The following LRIT1 variants were observed in gnomAD, a reference collection of about 807,000 sequenced individuals.
LRIT1 encodes the protein leucine rich repeat, Ig-like and transmembrane domains 1, also known as leucine-rich repeat, immunoglobulin-like domain and transmembrane domain-containing protein 1.
Under a neutral mutation model 24.0 loss-of-function variants are expected in LRIT1, and 23 were observed. The observed-to-expected ratio is 0.96, with a 90% CI of 0.69 to 1.36. The LOEUF (loss-of-function observed/expected upper bound fraction) is 1.36. Among genes scored for constraint, LRIT1 ranks in the 40% most tolerant of loss-of-function variants. The pLI is 0.00. For synonymous variants in LRIT1, 361 were observed against 340.5 expected (o/e 1.06, Z -0.66); for missense variants, 846 against 806.3 (o/e 1.05, Z -0.60).
Position 84,232,638 on chromosome 10 carries a change from G to A in LRIT1, c.1161C>T (p.Pro387=). The change falls in exon 4 of 4, where the codon CCC becomes CCT. Residue 387 remains proline, a synonymous_variant. Coordinates refer to ENST00000372105, the MANE Select transcript of LRIT1 (RefSeq NM_015613.3). ...GTCCAGTGGCCAGGACAGCGGGTTT[G>A]GGAATCTGGGGGACATGCCTGGCCA... The part of the protein sequence containing the change: ...KLVARHVPQI[P]KPAVLATGPS... The A allele has an allele frequency of 6.2e-7, 1 of 1,613,604 alleles. No homozygotes were observed. The highest frequency in any genetic ancestry group is 8.5e-7 in the Non-Finnish European group (1 of 1,179,588).
At chr10:84,235,213 C>A (rs138841246) in intron 2 of LRIT1, among the ~76,000 whole-genome samples, 1 of 152,118 alleles carries the variant, frequency 6.6e-6, no homozygotes, top group African/African-American at 2.4e-5. Context: ...ATATTTAATA[C>A]GTGCATCACA....
Position 84,232,113 on chromosome 10 carries a change from C to T in LRIT1, c.1686G>A (p.Lys562=). 2.5e-6 allele frequency: 4 copies of T among 1,614,130 alleles called. No homozygotes were observed. The highest frequency in any genetic ancestry group is 1.1e-5 in the South Asian group (1 of 91,076). Reference sequence around the variant, plus strand: ...AGGTAACTGTGGCCTCAGTGGAGTCCTTGTTGAAGCACTTTCGGCAGCGCT... The same window carrying T: ...AGGTAACTGTGGCCTCAGTGGAGTCTTTGTTGAAGCACTTTCGGCAGCGCT... The part of the protein sequence containing the change: ...LQKRCRKCFN[K]DSTEATVTYV... Residue 562 remains lysine (K), a synonymous_variant, in exon 4 of 4, where the codon AAG becomes AAA. Transcript: ENST00000372105.
rs187669365 is a variant in LRIT1, at chr10:84,233,866, C to G, written c.895+207G>C. ...GAGTGTCTGGTGGGATATGATAGGA[C>G]AGGTCAAGAGCCACTGTCATTGTTG... On this transcript the variant is annotated intron_variant, in intron 3 of 3. Coordinates refer to ENST00000372105, the MANE Select transcript of LRIT1 (RefSeq NM_015613.3). Among the ~76,000 whole-genome samples, 232 of 152,312 alleles carry G rather than the reference C, an allele frequency of 1.5e-3. 1 individual carries two copies. The highest frequency in any genetic ancestry group is 5.3e-3 in the African/African-American group (222 of 41,566).
At chr10:84,238,912 C>T (rs1021498708) in intron 1 of LRIT1, among the ~76,000 whole-genome samples, 21 of 152,218 alleles carry the variant, frequency 1.4e-4, no homozygotes, top group Admixed American at 1.2e-3. Context: ...TTTTATACTA[C>T]GTAAACTGAA....
intron 1 of LRIT1, among the ~76,000 whole-genome samples, chr10:84,239,181 G>A (rs141925090): frequency 1.3e-3 from 200 of 152,350 alleles, no homozygotes; most frequent in Non-Finnish European, 6.0e-4. Flanking sequence ...CTTACTAAGT[G>A]ATGAGCAATT....
chr10:84,239,214 C>G (rs1164326666), intron 1 of LRIT1, among the ~76,000 whole-genome samples: 1 of 152,228 alleles, frequency 6.6e-6, no homozygotes, highest in Non-Finnish European at 1.5e-5. Flanking sequence ...AGCCTCATAG[C>G]CCCTGTCTCC....
Position 84,234,264 on chromosome 10 carries a change from G to T in LRIT1, c.704C>A (p.Pro235Gln), listed in dbSNP as rs766067856. 1 of 1,613,826 alleles carries T rather than the reference G, an allele frequency of 6.2e-7. No homozygotes were observed. The highest frequency in any genetic ancestry group is 8.5e-7 in the Non-Finnish European group (1 of 1,179,888). The part of the protein sequence containing the change: ...FIETELRCAS[P>Q]RSLAGVAFSQ... The stretch of plus-strand genomic sequence containing the variant: ...GAAGGCCACTCCGGCCAGGCTACGT[G>T]GGCTGGCACATCTCAGTTCAGTCTC... The change falls in exon 3 of 4, where the codon CCA becomes CAA. Residue 235 changes from proline (P) to glutamine (Q), a missense_variant. Physicochemically the swap from Pro to Gln is moderately conservative, Grantham distance 76. Coordinates refer to ENST00000372105, the MANE Select transcript of LRIT1 (RefSeq NM_015613.3).
intron 3 of LRIT1, 64 bp from the exon 4 acceptor site, chr10:84,232,967 G>C (rs1842616732): frequency 1.3e-6 from 2 of 1,543,906 alleles, no homozygotes; most frequent in Non-Finnish European, 1.7e-6. Flanking sequence ...CTGCCTTTCA[G>C]GGCCAAGTTC....
At position 84,237,576 on chromosome 10, in the gene LRIT1, G is replaced by C. The variant is rs1842661845; in HGVS notation, c.233C>G (p.Ala78Gly). The C allele has an allele frequency of 6.2e-7, 1 of 1,606,400 alleles. No homozygotes were observed. The highest frequency in any genetic ancestry group is 1.3e-5 in the African/African-American group (1 of 74,928). Residue 78 changes from alanine to glycine, a missense_variant, in exon 2 of 4, where the codon GCC becomes GGC. Physicochemically the swap from Ala to Gly is moderately conservative, Grantham distance 60. Transcript: ENST00000372105. The stretch of plus-strand genomic sequence containing the variant: ...CTCCAGGCGGCCCAGGGGCCTGAAG[G>C]CCTCGCCAGGAACCCTGCGTATGGC... ...RTAIRRVPGEAFRPLGRLEQL... is the reference protein window; with the variant it reads ...RTAIRRVPGEGFRPLGRLEQL...
chr10:84,241,322 C>T lies in LRIT1; in HGVS notation c.118G>A (p.Ala40Thr). 1 of 1,613,878 alleles carries T rather than the reference C, an allele frequency of 6.2e-7. No individual in the cohort carries two copies. Among genetic ancestry groups the T allele is most frequent in the Non-Finnish European group, 8.5e-7 (1 of 1,179,918 alleles). Residue 40 changes from alanine (A) to threonine (T), a missense_variant, in exon 1 of 4, where the codon GCC becomes ACC. Ala to Thr is a moderately conservative substitution (Grantham distance 58). Coordinates refer to ENST00000372105, the MANE Select transcript of LRIT1 (RefSeq NM_015613.3). ...CCCACGCACCCGGTACCATACCTGG[C>T]CTTGCTGCCATCACCCATGATATGG... is the stretch of plus-strand genomic sequence containing the variant. The part of the protein sequence containing the change: ...SLHIMGDGSK[A>T]RTVVCNDPDM...
rs145981433 is a variant in LRIT1 at position 84,232,408 on chromosome 10, G to A, written c.1391C>T (p.Ala464Val). The A allele has an allele frequency of 9.9e-5, 159 of 1,613,984 alleles. 1 individual carries two copies. The highest frequency in any genetic ancestry group is 2.8e-4 in the Admixed American group (17 of 60,000). Residue 464 changes from alanine to valine, a missense_variant, in exon 4 of 4, where the codon GCG (alanine) becomes GTG (valine). By Grantham distance (64) the Ala-to-Val change is moderately conservative. Transcript: ENST00000372105. ...KNTTAFSVLY[A>V]VFGQHSMRRV... ...CCGCATGCTGTGCTGCCCAAAGACCGCGTAGAGGACACTGAAGGCAGTTGT... is the reference window on the plus strand; with the variant it reads ...CCGCATGCTGTGCTGCCCAAAGACCACGTAGAGGACACTGAAGGCAGTTGT...
chr10:84,233,686 C>T (rs55790020), intron 3 of LRIT1, among the ~76,000 whole-genome samples: 9,811 of 152,166 alleles, frequency 0.064, 330 homozygotes, highest in Middle Eastern at 0.13. Flanking sequence ...ATGAAGAGCT[C>T]GATAGATGGT....
In LRIT1 at chr10:84,234,337, C is replaced by T; in HGVS notation, c.631G>A (p.Asp211Asn). Residue 211 changes from aspartate (D) to asparagine (N), a missense_variant, in exon 3 of 4, where the codon GAC becomes AAC. By Grantham distance (23) the Asp-to-Asn change is conservative. Coordinates refer to ENST00000372105, the MANE Select transcript of LRIT1 (RefSeq NM_015613.3). ...NPWACDCRLY[D>N]LVHLLDGWAP... Reference sequence around the variant, plus strand: ...CAGCCATCCAAAAGATGAACCAGGTCATAGAGTCGGCAGTCACATGCCCAG... The same window carrying T: ...CAGCCATCCAAAAGATGAACCAGGTTATAGAGTCGGCAGTCACATGCCCAG... 2.5e-6 allele frequency: 4 copies of T among 1,588,980 alleles called. No homozygotes were observed. The highest frequency in any genetic ancestry group is 3.4e-6 in the Non-Finnish European group (4 of 1,166,286).
intron 3 of LRIT1, 143 bp downstream of exon 3, chr10:84,233,929 GC>G: frequency 1.6e-6 from 1 of 620,508 alleles, no homozygotes. Flanking sequence ...CCTCTGGGAA[GC>G]CCCTGTCAAA....
chr10:84,241,153 G>T (rs34330227), intron 1 of LRIT1, among the ~76,000 whole-genome samples, 165 bp downstream of exon 1: 163 of 152,216 alleles, frequency 1.1e-3, no homozygotes, highest in South Asian at 6.6e-3. Context: ...CCCCTTGCCT[G>T]CTGGAAAACA....
Position 84,232,442 on chromosome 10 carries a change from C to A in LRIT1, c.1357G>T (p.Ala453Ser). Residue 453 changes from alanine to serine, a missense_variant, in exon 4 of 4, where the codon GCT becomes TCT. Physicochemically the swap from Ala to Ser is moderately conservative, Grantham distance 99. Transcript: ENST00000372105. ...SVSLVWKAPQAKNTTAFSVLY... is the reference protein window; with the variant it reads ...SVSLVWKAPQSKNTTAFSVLY... ...ACACTGAAGGCAGTTGTGTTCTTAG[C>A]CTGGGGTGCCTTCCACACCAAGGAC... is the stretch of plus-strand genomic sequence containing the variant. 1.9e-6 allele frequency: 3 copies of A among 1,614,182 alleles called. No individual in the cohort carries two copies. The highest frequency in any genetic ancestry group is 2.5e-6 in the Non-Finnish European group (3 of 1,180,038).
chr10:84,239,039 C>T (rs1842673809), intron 1 of LRIT1, among the ~76,000 whole-genome samples: 1 of 152,216 alleles, frequency 6.6e-6, no homozygotes, highest in African/African-American at 2.4e-5. Context: ...ACACATATCA[C>T]CAGCATCCCT....
At position 84,237,278 on chromosome 10, in the gene LRIT1, G is replaced by C. The variant is rs1421254426; in HGVS notation, c.531C>G (p.Ser177=). The stretch of plus-strand genomic sequence containing the variant: ...AGATACCGGTCTCCAGGTGAGCCCA[G>C]GAGACGATGAGCTCCTGCGGGAGCC... The part of the protein sequence containing the change: ...LMRLPQELIV[S]WAHLETGIFP... Residue 177 remains serine (S), a synonymous_variant, in exon 2 of 4, where the codon TCC becomes TCG. Transcript: ENST00000372105. 1 of 1,551,022 alleles carries C rather than the reference G, an allele frequency of 6.4e-7. No homozygotes were observed. The highest frequency in any genetic ancestry group is 8.7e-7 in the Non-Finnish European group (1 of 1,146,988).
Position 84,232,156 on chromosome 10 carries a change from C to T in LRIT1, c.1643G>A (p.Cys548Tyr), listed in dbSNP as rs140958752. Residue 548 changes from cysteine (C) to tyrosine (Y), a missense_variant, in exon 4 of 4, where the codon TGC (cysteine) becomes TAC (tyrosine). By Grantham distance (194) the Cys-to-Tyr change is radical. Coordinates refer to ENST00000372105, the MANE Select transcript of LRIT1 (RefSeq NM_015613.3). ...GCAGCGCTTCTGAAGAGCACTGCAG[C>T]AGACAAGCAGCGTGAGAGGCAGGGC... Reference protein sequence around the residue: ...VIALPLTLLVCCSALQKRCRK... With the variant: ...VIALPLTLLVYCSALQKRCRK... The T allele has an allele frequency of 4.3e-6, 7 of 1,614,074 alleles. No homozygotes were observed. In the African/African-American group the frequency reaches 8.0e-5, roughly 18 times the overall value.
Sources: gnomAD v4.1 joint callset for allele counts (sites outside exome capture counted in the v4.1 genomes callset) on GRCh38, gnomAD v4.1.1 for gene constraint, MANE v1.5 for transcripts, NCBI Gene and HGNC (gene_info 2026-07-23, HGNC 2026-07-21) for gene names.